Variants in DIAPH2 observed in about 807,000 individuals in gnomAD.
DIAPH2 encodes the protein diaphanous related formin 2, also known as protein diaphanous homolog 2.
Under a neutral mutation model 92.7 loss-of-function variants are expected in DIAPH2, and 35 were observed. The observed-to-expected ratio is 0.38, with a 90% confidence interval of 0.29 to 0.50. DIAPH2 has a LOEUF of 0.50. Ranked by LOEUF, DIAPH2 falls within the 20% of genes least tolerant of loss-of-function variation. The pLI is 0.94. For missense variants in DIAPH2, 701 were observed against 819.5 expected (o/e 0.86, Z 1.77); for synonymous variants, 301 against 280.4 (o/e 1.07, Z -0.73).
chrX:97,252,542 A>G (rs1300743807), intron 23 of DIAPH2, among the ~76,000 whole-genome samples: 1 of 111,799 alleles, frequency 8.9e-6, no homozygotes, highest in Non-Finnish European at 1.9e-5. Flanking sequence ...TTAAGATAAT[A>G]ATTTTTAAGT....
intron 26 of DIAPH2, among the ~76,000 whole-genome samples, chrX:97,570,075 AATATATATATATATATATATATATATAT>A (rs1164491863): frequency 8.3e-5 from 1 of 12,098 alleles, no homozygotes; most frequent in East Asian, 3.1e-3. Context: ...AAGGCCTTCT[AATATATATATATATATATATATATATAT>A]ATATATATAT....
rs1212405845 is a variant in DIAPH2 at position 96,918,474 on chromosome X, A to G, written c.870-35A>G. Reference sequence around the variant, plus strand: ...TGCTCATAGTGTCTGTATAAGAAGTATTTCTCATTTCTGTTTCTTCTTTTT... The same window carrying G: ...TGCTCATAGTGTCTGTATAAGAAGTGTTTCTCATTTCTGTTTCTTCTTTTT... On this transcript the variant is annotated intron_variant, in intron 8 of 26. Transcript: ENST00000324765. The G allele has an allele frequency of 2.2e-5, 21 of 954,018 alleles. No individual in the cohort carries two copies. The East Asian group carries it at 6.0e-4, about 27-fold the overall frequency. The allele number at this position is 954,018 out of a possible 1,213,427, so 78.6% of individuals were successfully genotyped here.
At chrX:97,260,874 T>C (rs941288580) in intron 23 of DIAPH2, among the ~76,000 whole-genome samples, 8 of 112,247 alleles carry the variant, frequency 7.1e-5, no homozygotes, top group Non-Finnish European at 1.5e-4. Context: ...CTAGTTTACA[T>C]AGAGCTTAAC....
chrX:97,434,409 CTT>C (rs1168006514), intron 26 of DIAPH2, among the ~76,000 whole-genome samples: 3 of 93,817 alleles, frequency 3.2e-5, no homozygotes, highest in Non-Finnish European at 4.3e-5. Flanking sequence ...GGTTACTAAA[CTT>C]TTTTTTTTTT....
chrX:97,501,991 C>T (rs897456859), intron 26 of DIAPH2, among the ~76,000 whole-genome samples: 3 of 111,289 alleles, frequency 2.7e-5, no homozygotes, highest in Non-Finnish European at 1.9e-5. Flanking sequence ...TTAGTAGAGA[C>T]AGGGTTTCGC....
chrX:96,724,036 G>C (rs1233010987), intron 1 of DIAPH2, among the ~76,000 whole-genome samples: 1 of 103,043 alleles, frequency 9.7e-6, no homozygotes, highest in Non-Finnish European at 1.9e-5. Flanking sequence ...TGATTCTCCT[G>C]CCTCGGCCTC....
chrX:97,009,665 T>A (rs1432441491), intron 17 of DIAPH2, among the ~76,000 whole-genome samples: 1 of 111,355 alleles, frequency 9.0e-6, no homozygotes, highest in African/African-American at 3.3e-5. Context: ...CTGCCAGGAG[T>A]CTGTCTTTCC....
At chrX:97,403,703 T>C (rs1214894022) in intron 25 of DIAPH2, among the ~76,000 whole-genome samples, 4 of 111,909 alleles carry the variant, frequency 3.6e-5, no homozygotes, top group African/African-American at 1.3e-4. Flanking sequence ...TTATGTGATT[T>C]GGTTTTTATA....
chrX:96,750,282 C>T (rs1341229297), intron 3 of DIAPH2, among the ~76,000 whole-genome samples: 1 of 110,698 alleles, frequency 9.0e-6, no homozygotes, highest in Admixed American at 9.6e-5. Flanking sequence ...CCCGCCTTGG[C>T]CTCCCAAAGT....
intron 26 of DIAPH2, among the ~76,000 whole-genome samples, chrX:97,477,016 CACACACACAT>C (rs1464061847): frequency 6.2e-5 from 6 of 97,049 alleles, no homozygotes; most frequent in South Asian, 4.9e-4. Context: ...CACACACACA[CACACACACAT>C]ACACACACAC....
chrX:97,008,926 G>A (rs1281847020), intron 17 of DIAPH2, among the ~76,000 whole-genome samples: 1 of 111,145 alleles, frequency 9.0e-6, no homozygotes, highest in Non-Finnish European at 1.9e-5. Context: ...AACACTGCCA[G>A]GCTATTGCCT....
chrX:97,027,188 G>A (rs924664961), intron 17 of DIAPH2, among the ~76,000 whole-genome samples: 10 of 112,077 alleles, frequency 8.9e-5, no homozygotes, highest in South Asian at 3.7e-4. Flanking sequence ...ATTATGTGCC[G>A]AAGTAAATTA....
intron 26 of DIAPH2, among the ~76,000 whole-genome samples, chrX:97,476,680 C>T (rs1032295585): frequency 3.7e-5 from 4 of 109,127 alleles, no homozygotes; most frequent in Non-Finnish European, 7.6e-5. Flanking sequence ...ATATACATGG[C>T]CGGGCGCCGT....
intron 17 of DIAPH2, among the ~76,000 whole-genome samples, chrX:97,059,247 A>T (rs752643765): frequency 7.6e-4 from 85 of 111,937 alleles, no homozygotes; most frequent in Non-Finnish European, 6.8e-4. Flanking sequence ...AAGATGTTAA[A>T]AATGTGTATA....
chrX:97,138,526 A>G (rs1419415905), intron 21 of DIAPH2, among the ~76,000 whole-genome samples: 1 of 111,833 alleles, frequency 8.9e-6, no homozygotes, highest in Non-Finnish European at 1.9e-5. Context: ...TATTGGTCAG[A>G]TGATTAAATT....
chrX:96,973,463 ACTCCAGCCAGGATGGCAGAGT>A (rs1414250140), intron 17 of DIAPH2, among the ~76,000 whole-genome samples: 1 of 111,670 alleles, frequency 9.0e-6, no homozygotes, highest in East Asian at 2.8e-4. Context: ...GTGCTCCTGC[ACTCCAGCCAGGATGGCAGAGT>A]CTCAAAAGAA....
At chrX:97,421,650 A>T (rs894180695) in intron 25 of DIAPH2, among the ~76,000 whole-genome samples, 3 of 111,866 alleles carry the variant, frequency 2.7e-5, no homozygotes, top group African/African-American at 9.7e-5. Flanking sequence ...GCAGAATAAT[A>T]TTTGTCACTG....
intron 23 of DIAPH2, among the ~76,000 whole-genome samples, chrX:97,322,903 C>CTTTTTTT (rs1160046333): frequency 1.3e-5 from 1 of 76,939 alleles, no homozygotes; most frequent in Non-Finnish European, 2.5e-5. Context: ...TATCCCAGTT[C>CTTTTTTT]TTTTTTTTTT....
chrX:97,161,595 G>T (rs763076940), intron 22 of DIAPH2, among the ~76,000 whole-genome samples: 3 of 110,754 alleles, frequency 2.7e-5, no homozygotes, highest in African/African-American at 9.9e-5. Flanking sequence ...TGGAGAAGGG[G>T]GTTTCGCCAC....
Sources: allele counts gnomAD v4.1 joint callset (sites outside exome capture counted in the v4.1 genomes callset), GRCh38; gene constraint gnomAD v4.1.1; transcripts MANE v1.5; gene names NCBI Gene and HGNC (gene_info 2026-07-23, HGNC 2026-07-21).